Variants in ASB5 observed in about 807,000 individuals in gnomAD.
ASB5 encodes the protein ankyrin repeat and SOCS box protein 5.
A neutral mutation model predicts 42.1 loss-of-function variants in ASB5; 45 were observed. The observed-to-expected ratio is 1.07, with a 90% CI of 0.84 to 1.37. The LOEUF is 1.37. ASB5 is among the 40% of genes most tolerant of loss of function. The pLI, the probability that ASB5 is intolerant of heterozygous loss-of-function variation, is 0.00. For missense variants in ASB5, 402 were observed against 399.8 expected, an observed-to-expected ratio of 1.01 and a Z score of -0.05; for synonymous variants, 147 against 150.6, an observed-to-expected ratio of 0.98 and a Z score of 0.18.
At chr4:176,226,536 A>G (rs1332724815) in intron 1 of ASB5, among the ~76,000 whole-genome samples, 2 of 152,030 alleles carry the variant, frequency 1.3e-5, no homozygotes, top group African/African-American at 4.8e-5. Flanking sequence ...ATCTCCTCTC[A>G]TATAGCTGCG....
intron 1 of ASB5, among the ~76,000 whole-genome samples, chr4:176,238,232 A>G (rs1388288264): frequency 6.9e-6 from 1 of 144,356 alleles, no homozygotes; most frequent in Non-Finnish European, 1.5e-5. Context: ...AAAAAAGTGC[A>G]TTACGGTCAG....
upstream of ASB5, among the ~76,000 whole-genome samples, chr4:176,274,089 G>T (rs1321309596): frequency 6.6e-6 from 1 of 152,150 alleles, no homozygotes; most frequent in Non-Finnish European, 1.5e-5. Context: ...GGGAGGCTAA[G>T]ATAGCAAGAT....
At chr4:176,237,436 T>G in intron 1 of ASB5, 1 of 985,814 alleles carries the variant, frequency 1.0e-6, no homozygotes, top group East Asian at 1.1e-4. Flanking sequence ...TGACGTTTTT[T>G]GTCTGTGACA....
chr4:176,219,341 T>A (rs1305898706), intron 5 of ASB5, among the ~76,000 whole-genome samples: 1 of 107,346 alleles, frequency 9.3e-6, no homozygotes, highest in Non-Finnish European at 1.8e-5. Context: ...TATAAATATA[T>A]ATATTTGTAT....
At chr4:176,219,933 T>A (rs985350359) in intron 5 of ASB5, among the ~76,000 whole-genome samples, 1 of 152,092 alleles carries the variant, frequency 6.6e-6, no homozygotes, top group African/African-American at 2.4e-5. Flanking sequence ...AGCAGGGGTG[T>A]CCAATCGTTT....
chr4:176,274,500 A>G (rs1196953671), intron 2 of ASB5, among the ~76,000 whole-genome samples: 2 of 152,202 alleles, frequency 1.3e-5, no homozygotes, highest in East Asian at 3.8e-4. Flanking sequence ...AAGATTATAC[A>G]TCTTGAAGTG....
chr4:176,225,573 C>A (rs1289770557), intron 1 of ASB5, among the ~76,000 whole-genome samples: 1 of 115,850 alleles, frequency 8.6e-6, no homozygotes, highest in East Asian at 2.4e-4. Flanking sequence ...CCACCCCAGA[C>A]TTACTGTGCC....
intron 1 of ASB5, among the ~76,000 whole-genome samples, chr4:176,265,378 G>A (rs544751988): frequency 2.0e-5 from 3 of 152,234 alleles, no homozygotes; most frequent in African/African-American, 7.2e-5. Context: ...AGAGTCATTT[G>A]GCAGTGAGTG....
intron 1 of ASB5, among the ~76,000 whole-genome samples, chr4:176,239,345 ACAACAAAAGCTTTATGCTTTTGAATAATG>A (rs1753763244): frequency 6.6e-6 from 1 of 152,202 alleles, no homozygotes; most frequent in African/African-American, 2.4e-5. Context: ...TTATTCTGTA[ACAACAAAAGCTTTATGCTTTTGAATAATG>A]CATATTCCTA....
At chr4:176,221,885 ACTTTT>A (rs1753222805) in intron 3 of ASB5, among the ~76,000 whole-genome samples, 1 of 152,202 alleles carries the variant, frequency 6.6e-6, no homozygotes. Flanking sequence ...ATGATTAGAT[ACTTTT>A]CAGTAAGAGT....
At chr4:176,220,193 G>A (rs1451816835) in intron 5 of ASB5, among the ~76,000 whole-genome samples, 1 of 152,084 alleles carries the variant, frequency 6.6e-6, no homozygotes, top group Non-Finnish European at 1.5e-5. Context: ...TTCATGGGAG[G>A]GAGAACATAG....
intron 1 of ASB5, among the ~76,000 whole-genome samples, chr4:176,238,643 T>A (rs1753746067): frequency 6.6e-6 from 1 of 152,208 alleles, no homozygotes; most frequent in African/African-American, 2.4e-5. Context: ...TGACAGATTC[T>A]GTTATCTATC....
At chr4:176,257,204 A>G (rs1754173332) in intron 1 of ASB5, among the ~76,000 whole-genome samples, 1 of 152,222 alleles carries the variant, frequency 6.6e-6, no homozygotes, top group South Asian at 2.1e-4. Context: ...GGCACTGACT[A>G]TAATGGAGAG....
chr4:176,237,404 A>G, intron 1 of ASB5: 11 of 985,906 alleles, frequency 1.1e-5, no homozygotes, highest in Non-Finnish European at 1.3e-5. Flanking sequence ...TTCAACAGCA[A>G]TATCTGCGGA....
intron 1 of ASB5, among the ~76,000 whole-genome samples, chr4:176,242,745 A>G (rs753854824): frequency 1.3e-5 from 2 of 151,542 alleles, no homozygotes; most frequent in Non-Finnish European, 2.9e-5. Context: ...CAGCTTTCTT[A>G]TTTTCTTCAT....
At chr4:176,273,576 G>T (rs1334353178), upstream of ASB5, among the ~76,000 whole-genome samples, 1 of 152,106 alleles carries the variant, frequency 6.6e-6, no homozygotes, top group African/African-American at 2.4e-5. Context: ...CCATCAAAAA[G>T]ATATTTAGCC....
chr4:176,267,607 T>C (rs1394444903), intron 1 of ASB5, among the ~76,000 whole-genome samples: 1 of 152,138 alleles, frequency 6.6e-6, no homozygotes, highest in Non-Finnish European at 1.5e-5. Context: ...GGTGATAATG[T>C]TAGCCCCAGT....
intron 1 of ASB5, among the ~76,000 whole-genome samples, chr4:176,229,155 A>G (rs1753457369): frequency 6.6e-6 from 1 of 152,160 alleles, no homozygotes; most frequent in South Asian, 2.1e-4. Flanking sequence ...ATAATAGTAT[A>G]TTTCATTATC....
intron 1 of ASB5, among the ~76,000 whole-genome samples, chr4:176,252,324 T>C (rs933625165): frequency 3.9e-5 from 6 of 152,216 alleles, no homozygotes; most frequent in East Asian, 1.9e-4. Flanking sequence ...TTAACACTTA[T>C]TCAGTGCACA....
Sources: gnomAD v4.1 joint callset for allele counts (sites outside exome capture counted in the v4.1 genomes callset) on GRCh38, gnomAD v4.1.1 for gene constraint, MANE v1.5 for transcripts, NCBI Gene and HGNC (gene_info 2026-07-23, HGNC 2026-07-21) for gene names.